The following MYZAP variants were observed in gnomAD, a reference collection of about 807,000 sequenced individuals.
MYZAP encodes GRINL1A complex locus upstream.
In MYZAP, 66 loss-of-function variants were observed where a neutral mutation model predicts 69.4. The ratio of observed to expected loss-of-function variants is 0.95; its 90% CI spans 0.78 to 1.17. The LOEUF is 1.17. Among genes scored for constraint, MYZAP ranks in the 50% most tolerant of loss-of-function variants. The pLI, the probability that MYZAP is intolerant of heterozygous loss-of-function variation, is 0.00. For synonymous variants in MYZAP, 256 were observed against 205.9 expected (o/e 1.24, Z -2.09); for missense variants, 611 against 556.2 (o/e 1.10, Z -0.99).
intron 1 of MYZAP, among the ~76,000 whole-genome samples, chr15:57,597,861 C>A (rs2034162396): frequency 6.6e-6 from 1 of 152,148 alleles, no homozygotes; most frequent in African/African-American, 2.4e-5. Flanking sequence ...GCTGCAGGCT[C>A]CTGGGATTTG....
At chr15:57,668,012 A>G (rs2038672538) in intron 11 of MYZAP, among the ~76,000 whole-genome samples, 1 of 152,140 alleles carries the variant, frequency 6.6e-6, no homozygotes, top group East Asian at 1.9e-4. Flanking sequence ...ATTTAGTGGG[A>G]ATCCACTGTA....
chr15:57,625,052 ACT>A (rs1272776163), intron 4 of MYZAP, among the ~76,000 whole-genome samples: 1 of 145,420 alleles, frequency 6.9e-6, no homozygotes, highest in African/African-American at 2.6e-5. Flanking sequence ...CAACAAAACA[ACT>A]CTTTTTTTTT....
intron 2 of MYZAP, among the ~76,000 whole-genome samples, chr15:57,605,895 A>T (rs2034713140): frequency 6.6e-6 from 1 of 152,180 alleles, no homozygotes; most frequent in African/African-American, 2.4e-5. Context: ...GAGCATCAAA[A>T]AGAATAATGA....
chr15:57,664,197 A>G (rs1334084394), intron 11 of MYZAP, among the ~76,000 whole-genome samples: 3 of 152,082 alleles, frequency 2.0e-5, no homozygotes, highest in African/African-American at 7.2e-5. Context: ...GAGAAAGGAT[A>G]CCTTCTCTAA....
chr15:57,639,150 A>T (rs2036981208), intron 9 of MYZAP, among the ~76,000 whole-genome samples: 1 of 151,968 alleles, frequency 6.6e-6, no homozygotes, highest in Admixed American at 6.5e-5. Context: ...ATGTTTTTAA[A>T]TTTACGTTTA....
intron 1 of MYZAP, among the ~76,000 whole-genome samples, 158 bp downstream of exon 1, chr15:57,592,267 C>A (rs1257675887): frequency 1.3e-5 from 2 of 152,156 alleles, no homozygotes; most frequent in African/African-American, 2.4e-5. Context: ...CTGGCAGTGA[C>A]CCTCCCGCTT....
At chr15:57,637,568 GAGCAGGTGTGT>G in intron 8 of MYZAP, 116 bp from the exon 9 acceptor site, 1 of 911,180 alleles carries the variant, frequency 1.1e-6, no homozygotes, top group Non-Finnish European at 1.7e-6. Flanking sequence ...GGGCTTTGCT[GAGCAGGTGTGT>G]AAAACCCAGG....
At chr15:57,669,814 T>A (rs764318753) in intron 11 of MYZAP, among the ~76,000 whole-genome samples, 2 of 152,170 alleles carry the variant, frequency 1.3e-5, no homozygotes, top group Non-Finnish European at 2.9e-5. Flanking sequence ...CACCTGCATC[T>A]CACAAGCTTT....
Position 57,647,951 on chromosome 15 carries a change from T to C in MYZAP, c.1119+8406T>C, listed in dbSNP as rs149291677. 1.5e-3 allele frequency: 1,475 copies of C among 985,324 alleles called. 18 individuals are homozygous for C. The highest frequency in any genetic ancestry group is 0.012 in the Middle Eastern group (23 of 1,914). 61.0% of individuals were successfully genotyped at this position (985,324 alleles called of 1,614,324 possible). A position where few individuals can be genotyped will look rare whatever the true frequency, so the allele number is the denominator to read the frequency against. ...AAATCCTGCCCCGCCACCGCTTTCCTCCCTTAACTGGATCCTTAGCCTTGG... is the reference window on the plus strand; with the variant it reads ...AAATCCTGCCCCGCCACCGCTTTCCCCCCTTAACTGGATCCTTAGCCTTGG... On this transcript the variant is annotated intron_variant, in intron 10 of 12. Transcript: ENST00000267853.
intron 12 of MYZAP, among the ~76,000 whole-genome samples, chr15:57,680,219 T>C (rs1439446861): frequency 2.6e-5 from 4 of 152,122 alleles, no homozygotes; most frequent in Non-Finnish European, 5.9e-5. Flanking sequence ...CAGAGAATTA[T>C]TTTGCTCCTT....
chr15:57,631,893 G>T (rs749831490), intron 6 of MYZAP, among the ~76,000 whole-genome samples: 27 of 152,160 alleles, frequency 1.8e-4, no homozygotes, highest in Admixed American at 3.9e-4. Context: ...ACGTGGCCTG[G>T]CAAACAGGAG....
chr15:57,604,492 C>T, intron 2 of MYZAP, 137 bp downstream of exon 2: 1 of 841,202 alleles, frequency 1.2e-6, no homozygotes, highest in Non-Finnish European at 1.8e-6. Context: ...CTCAACCTTC[C>T]CACCTCATCT....
In MYZAP at chr15:57,684,511, A is replaced by G. The variant is rs748093816; in HGVS notation, c.*13A>G. 5 of 1,542,954 alleles carry G rather than the reference A, an allele frequency of 3.2e-6. No individual in the cohort carries two copies. In the African/African-American group the frequency reaches 5.5e-5, roughly 17 times the overall value. Reference sequence around the variant, plus strand: ...AACTCTGACTTAGGCACTCAGAGGCATACACTTTTTACAGATGGACAAAAG... The same window carrying G: ...AACTCTGACTTAGGCACTCAGAGGCGTACACTTTTTACAGATGGACAAAAG... On this transcript the variant is annotated 3_prime_UTR_variant, in exon 13 of 13. Transcript: ENST00000267853.
chr15:57,604,153 G>A, intron 1 of MYZAP, 116 bp from the exon 2 acceptor site: 1 of 1,113,178 alleles, frequency 9.0e-7, no homozygotes, highest in Non-Finnish European at 1.3e-6. Flanking sequence ...TGTATGATCA[G>A]GACAGTGTTC....
chr15:57,658,779 A>G (rs2038133519), intron 10 of MYZAP, among the ~76,000 whole-genome samples: 1 of 152,144 alleles, frequency 6.6e-6, no homozygotes, highest in Non-Finnish European at 1.5e-5. Context: ...AACCCAAAAC[A>G]TGATTGAATG....
At chr15:57,677,158 CT>C (rs1266232867) in intron 12 of MYZAP, among the ~76,000 whole-genome samples, 1 of 152,204 alleles carries the variant, frequency 6.6e-6, no homozygotes, top group African/African-American at 2.4e-5. Flanking sequence ...TTACTCTGAG[CT>C]GGGGCTCCTG....
intron 11 of MYZAP, 108 bp downstream of exon 11, chr15:57,661,641 T>A: frequency 1.0e-6 from 1 of 989,012 alleles, no homozygotes. Context: ...CCCGGCCTTA[T>A]AAAATTGATT....
At chr15:57,628,587 G>A (rs747839797) in intron 5 of MYZAP, among the ~76,000 whole-genome samples, 3 of 152,174 alleles carry the variant, frequency 2.0e-5, no homozygotes, top group African/African-American at 7.2e-5. Flanking sequence ...GCTTCAGTGC[G>A]GCCTGGAGCA....
intron 3 of MYZAP, among the ~76,000 whole-genome samples, chr15:57,620,245 C>A (rs1342268858): frequency 6.6e-6 from 1 of 152,194 alleles, no homozygotes; most frequent in Non-Finnish European, 1.5e-5. Flanking sequence ...TCCCTTCCCC[C>A]AAATCTCCAC....
Sources: gnomAD v4.1 joint callset for allele counts (sites outside exome capture counted in the v4.1 genomes callset) on GRCh38, gnomAD v4.1.1 for gene constraint, MANE v1.5 for transcripts, NCBI Gene and HGNC (gene_info 2026-07-23, HGNC 2026-07-21) for gene names.